CCDC7: variants seen among roughly 807,000 people sequenced by gnomAD.
CCDC7 encodes coiled-coil domain containing 7, also known as coiled-coil domain-containing protein 7.
In CCDC7, 183 loss-of-function variants were observed where a neutral mutation model predicts 196.9. That is an observed-to-expected ratio of 0.93 (90% CI 0.82 to 1.05). The LOEUF is 1.05. CCDC7 is among the 50% of genes least tolerant of loss of function. The pLI is 0.00. For missense variants in CCDC7, 1,540 were observed against 1,482.2 expected, an observed-to-expected ratio of 1.04 and a Z score of -0.64; for synonymous variants, 525 against 484.6, an observed-to-expected ratio of 1.08 and a Z score of -1.10.
At chr10:32,600,086 A>AT (rs1365566680) in intron 18 of CCDC7, among the ~76,000 whole-genome samples, 4 of 151,626 alleles carry the variant, frequency 2.6e-5, no homozygotes, top group Non-Finnish European at 4.4e-5. Context: ...TAATTTTAGG[A>AT]TTTTTTTCTG....
intron 15 of CCDC7, among the ~76,000 whole-genome samples, chr10:32,568,956 TA>T (rs1256689119): frequency 1.3e-5 from 2 of 152,258 alleles, no homozygotes; most frequent in African/African-American, 2.4e-5. Context: ...TTAAAAGCTT[TA>T]TTGTTTTCTA....
chr10:32,870,535 T>A (rs1417239386), intron 41 of CCDC7, among the ~76,000 whole-genome samples: 1 of 152,202 alleles, frequency 6.6e-6, no homozygotes, highest in Non-Finnish European at 1.5e-5. Flanking sequence ...AATCATGTCA[T>A]CTCCAAACAC....
intron 18 of CCDC7, among the ~76,000 whole-genome samples, chr10:32,628,646 TTC>T (rs1460179071): frequency 3.9e-5 from 6 of 152,086 alleles, no homozygotes; most frequent in African/African-American, 1.4e-4. Context: ...ATATAAACTT[TTC>T]TCTTAGAACT....
At chr10:32,484,340 T>A (rs1182273648) in intron 8 of CCDC7, among the ~76,000 whole-genome samples, 2 of 152,224 alleles carry the variant, frequency 1.3e-5, no homozygotes, top group Non-Finnish European at 2.9e-5. Flanking sequence ...TTTTGCACAT[T>A]GATTTTGTAT....
intron 21 of CCDC7, among the ~76,000 whole-genome samples, chr10:32,674,599 A>G (rs2074609979): frequency 1.3e-5 from 2 of 152,066 alleles, no homozygotes; most frequent in Non-Finnish European, 2.9e-5. Context: ...TGTTAGGTCC[A>G]TTTGGTCTAC....
At chr10:32,568,659 A>T (rs1343370371) in intron 15 of CCDC7, among the ~76,000 whole-genome samples, 1 of 152,232 alleles carries the variant, frequency 6.6e-6, no homozygotes, top group Non-Finnish European at 1.5e-5. Flanking sequence ...AGAACAAAAG[A>T]AGCAGCACAA....
intron 18 of CCDC7, among the ~76,000 whole-genome samples, chr10:32,619,051 A>G (rs1268554772): frequency 1.3e-5 from 2 of 151,728 alleles, no homozygotes; most frequent in East Asian, 1.9e-4. Flanking sequence ...AATGTATTTA[A>G]TATTTCCTTC....
rs183932943 is a variant in CCDC7 at position 32,818,637 on chromosome 10, T to C, written c.3181+4184T>C. Among the ~76,000 whole-genome samples, 971 of 152,258 alleles carry C rather than the reference T, an allele frequency of 6.4e-3. 15 individuals are homozygous for C. Among genetic ancestry groups the C allele is most frequent in the Middle Eastern group, 0.027 (8 of 294 alleles). ...AAAGCACAGAAATTATAACAAACTG[T>C]CTCTCAGACCACAGTGTAATCAAAC... On this transcript the variant is annotated intron_variant, in intron 31 of 41. Transcript: ENST00000639629.
intron 9 of CCDC7, among the ~76,000 whole-genome samples, chr10:32,494,960 G>T (rs1422962639): frequency 6.6e-6 from 1 of 152,116 alleles, no homozygotes; most frequent in African/African-American, 2.4e-5. Flanking sequence ...GATTCTTGAG[G>T]AATCACCACA....
chr10:32,665,835 G>A (rs1400271147), intron 21 of CCDC7, among the ~76,000 whole-genome samples: 2 of 151,894 alleles, frequency 1.3e-5, no homozygotes, highest in African/African-American at 4.8e-5. Flanking sequence ...CAGGAACATG[G>A]GATATCTTTT....
intron 18 of CCDC7, among the ~76,000 whole-genome samples, chr10:32,625,068 A>G (rs911663529): frequency 4.4e-5 from 5 of 113,638 alleles, no homozygotes; most frequent in African/African-American, 1.7e-4. Flanking sequence ...GTTGCCAGTG[A>G]TTTTGGTGTC....
At chr10:32,674,122 G>A (rs1762533) in intron 21 of CCDC7, among the ~76,000 whole-genome samples, 104,251 of 150,516 alleles carry the variant, frequency 0.69, 37,884 homozygotes, top group Non-Finnish European at 0.8. Context: ...TTCTAATTTT[G>A]TTTTTTTTTC....
At chr10:32,705,121 G>A (rs1313482755) in intron 24 of CCDC7, among the ~76,000 whole-genome samples, 4 of 152,120 alleles carry the variant, frequency 2.6e-5, no homozygotes, top group Non-Finnish European at 5.9e-5. Flanking sequence ...GGGAGCTGTA[G>A]ACTGGAGCTG....
At chr10:32,515,769 T>C (rs2046927714) in intron 9 of CCDC7, among the ~76,000 whole-genome samples, 1 of 152,004 alleles carries the variant, frequency 6.6e-6, no homozygotes, top group South Asian at 2.1e-4. Flanking sequence ...CTGGATCTCC[T>C]GACCTCGTGA....
chr10:32,825,322 C>T (rs1380424768), intron 32 of CCDC7, among the ~76,000 whole-genome samples: 5 of 152,086 alleles, frequency 3.3e-5, no homozygotes, highest in Non-Finnish European at 5.9e-5. Flanking sequence ...ACATTTGAGT[C>T]AGTGGCTGGG....
chr10:32,559,710 C>G (rs1363620131), intron 13 of CCDC7, among the ~76,000 whole-genome samples: 1 of 148,980 alleles, frequency 6.7e-6, no homozygotes, highest in South Asian at 2.3e-4. Flanking sequence ...GATAAAACCA[C>G]AAAGATGGGG....
intron 11 of CCDC7, among the ~76,000 whole-genome samples, chr10:32,531,834 A>C (rs1039259798): frequency 6.6e-6 from 1 of 151,980 alleles, no homozygotes; most frequent in African/African-American, 2.4e-5. Context: ...CAATTTGTTG[A>C]CTATTGTTGT....
rs753929743 is a variant in CCDC7, at chr10:32,530,077, CTA to C, written c.993+11575_993+11576del. Among the ~76,000 whole-genome samples, 82 of 152,248 alleles carry C rather than the reference CTA, an allele frequency of 5.4e-4. No individual in the cohort carries two copies. In the Middle Eastern group the frequency reaches 0.01, roughly 19 times the overall value. ...CTTTGCTTTGTCAAAGATCAGTTGA[CTA>C]TAAGTATTTGGCTTTATTTCTGGGT... On this transcript the variant is annotated intron_variant, in intron 11 of 41. Coordinates refer to ENST00000639629, the Ensembl canonical transcript of CCDC7.
At chr10:32,621,789 G>A (rs772579451) in intron 18 of CCDC7, among the ~76,000 whole-genome samples, 34 of 152,126 alleles carry the variant, frequency 2.2e-4, no homozygotes, top group Non-Finnish European at 4.6e-4. Context: ...GTTGCTCTGC[G>A]TTTTTGTTCT....
Sources: gnomAD v4.1 joint callset for allele counts (sites outside exome capture counted in the v4.1 genomes callset) on GRCh38, gnomAD v4.1.1 for gene constraint, MANE v1.5 for transcripts, NCBI Gene and HGNC (gene_info 2026-07-23, HGNC 2026-07-21) for gene names.